SPAG16: variants seen among roughly 807,000 people sequenced by gnomAD.
SPAG16 encodes the protein sperm-associated antigen 16 protein.
Under a neutral mutation model 80.4 loss-of-function variants are expected in SPAG16, and 86 were observed. That is an observed-to-expected ratio of 1.07 (90% CI 0.90 to 1.28). The LOEUF is 1.28. Ranked by LOEUF, SPAG16 falls within the 50% of genes most tolerant of loss-of-function variation. The pLI, the probability that SPAG16 is intolerant of heterozygous loss-of-function variation, is 0.00. For missense variants in SPAG16, 870 were observed against 765.3 expected (o/e 1.14, Z -1.61); for synonymous variants, 294 against 265.9 (o/e 1.11, Z -1.03).
intron 6 of SPAG16, among the ~76,000 whole-genome samples, chr2:213,348,302 A>T (rs901610951): frequency 6.6e-6 from 1 of 152,002 alleles, no homozygotes; most frequent in Non-Finnish European, 1.5e-5. Flanking sequence ...CCTGAATGCA[A>T]CACAATGATG....
intron 12 of SPAG16, among the ~76,000 whole-genome samples, chr2:213,992,316 A>G (rs973456162): frequency 1.3e-5 from 2 of 152,182 alleles, no homozygotes; most frequent in Non-Finnish European, 2.9e-5. Flanking sequence ...CCTAGACAGT[A>G]CACCTTAACT....
chr2:213,554,648 A>C (rs1247021597), intron 10 of SPAG16, among the ~76,000 whole-genome samples: 1 of 152,090 alleles, frequency 6.6e-6, no homozygotes, highest in African/African-American at 2.4e-5. Context: ...AAGCAACAAA[A>C]ATGATAGAGA....
At chr2:213,865,071 A>G (rs2075633637) in intron 11 of SPAG16, among the ~76,000 whole-genome samples, 1 of 152,102 alleles carries the variant, frequency 6.6e-6, no homozygotes, top group Non-Finnish European at 1.5e-5. Context: ...TATCTCTCTC[A>G]ACTTTTAATC....
At chr2:213,759,284 A>C (rs777203134) in intron 10 of SPAG16, among the ~76,000 whole-genome samples, 1 of 152,120 alleles carries the variant, frequency 6.6e-6, no homozygotes, top group African/African-American at 2.4e-5. Context: ...TATTGTAACA[A>C]TACTTTTTAA....
intron 12 of SPAG16, among the ~76,000 whole-genome samples, chr2:213,936,664 T>C (rs1040148555): frequency 6.6e-6 from 1 of 152,192 alleles, no homozygotes; most frequent in Admixed American, 6.5e-5. Context: ...CTGTTACATT[T>C]TCATACACCT....
At chr2:213,732,723 A>G (rs1320415387) in intron 10 of SPAG16, among the ~76,000 whole-genome samples, 1 of 152,010 alleles carries the variant, frequency 6.6e-6, no homozygotes, top group Non-Finnish European at 1.5e-5. Context: ...ATGTTTTTCC[A>G]TTTGCTTGTG....
intron 11 of SPAG16, among the ~76,000 whole-genome samples, chr2:213,928,680 T>C (rs1353452813): frequency 2.6e-5 from 4 of 152,204 alleles, no homozygotes; most frequent in Non-Finnish European, 4.4e-5. Context: ...CTCTAAAGCA[T>C]TTACTAAGCA....
At chr2:213,667,261 A>T (rs1195264892) in intron 10 of SPAG16, among the ~76,000 whole-genome samples, 1 of 152,230 alleles carries the variant, frequency 6.6e-6, no homozygotes, top group Non-Finnish European at 1.5e-5. Context: ...ATGCAATGTA[A>T]TATAAAATAG....
chr2:214,352,460 T>G (rs1422761451), intron 15 of SPAG16, among the ~76,000 whole-genome samples: 1 of 151,778 alleles, frequency 6.6e-6, no homozygotes, highest in African/African-American at 2.4e-5. Context: ...TGCCTTTATT[T>G]AGACTTTCTT....
chr2:213,579,117 A>G (rs2060220020), intron 10 of SPAG16, among the ~76,000 whole-genome samples: 1 of 152,126 alleles, frequency 6.6e-6, no homozygotes, highest in African/African-American at 2.4e-5. Context: ...TTAACATTGT[A>G]CTTTCTTCTA....
intron 12 of SPAG16, among the ~76,000 whole-genome samples, chr2:214,009,094 C>T (rs1280479760): frequency 1.3e-5 from 2 of 152,128 alleles, no homozygotes; most frequent in East Asian, 3.9e-4. Context: ...CAGCAATCAA[C>T]CATAGAGCAG....
At chr2:213,610,418 C>T (rs77648743) in intron 10 of SPAG16, among the ~76,000 whole-genome samples, 9,069 of 152,130 alleles carry the variant, frequency 0.06, 894 homozygotes, top group African/African-American at 0.2. Context: ...CTATTCTCTC[C>T]GAGGGCTGCT....
At chr2:214,330,706 CT>C (rs2126011130) in intron 15 of SPAG16, among the ~76,000 whole-genome samples, 1 of 152,326 alleles carries the variant, frequency 6.6e-6, no homozygotes, top group African/African-American at 2.4e-5. Context: ...GGGACAAACT[CT>C]TGAGCAAGGT....
At chr2:213,836,536 A>G (rs1482385323) in intron 10 of SPAG16, among the ~76,000 whole-genome samples, 1 of 152,064 alleles carries the variant, frequency 6.6e-6, no homozygotes, top group Non-Finnish European at 1.5e-5. Flanking sequence ...AATGCTCTTT[A>G]TAAAATTTTT....
intron 12 of SPAG16, among the ~76,000 whole-genome samples, chr2:213,977,317 C>T (rs2045464779): frequency 6.6e-6 from 1 of 151,990 alleles, no homozygotes; most frequent in South Asian, 2.1e-4. Context: ...TATCTAGGTC[C>T]AGGCATGGAT....
chr2:213,536,102 T>A (rs774176668), intron 10 of SPAG16, among the ~76,000 whole-genome samples: 26 of 152,144 alleles, frequency 1.7e-4, no homozygotes, highest in Non-Finnish European at 3.7e-4. Flanking sequence ...AATGTTTCTA[T>A]TTTGCCTCTT....
At chr2:214,068,868 CT>C (rs1336437885) in intron 13 of SPAG16, among the ~76,000 whole-genome samples, 2 of 151,932 alleles carry the variant, frequency 1.3e-5, no homozygotes, top group East Asian at 3.9e-4. Context: ...TTTTTTTTCC[CT>C]GACACCTTAT....
chr2:214,218,726 A>G (rs2058493357), intron 15 of SPAG16, among the ~76,000 whole-genome samples: 1 of 152,222 alleles, frequency 6.6e-6, no homozygotes, highest in Admixed American at 6.5e-5. Context: ...CACAAGTGAC[A>G]TTGAAGATGC....
At chr2:213,587,592 T>G (rs1428187319) in intron 10 of SPAG16, among the ~76,000 whole-genome samples, 1 of 152,186 alleles carries the variant, frequency 6.6e-6, no homozygotes, top group Non-Finnish European at 1.5e-5. Flanking sequence ...TTCATACCAA[T>G]TTCTTTATCA....
Sources: gnomAD v4.1 joint callset for allele counts (sites outside exome capture counted in the v4.1 genomes callset) on GRCh38, gnomAD v4.1.1 for gene constraint, MANE v1.5 for transcripts, NCBI Gene and HGNC (gene_info 2026-07-23, HGNC 2026-07-21) for gene names.